The following STARD9 variants were observed in gnomAD, a reference collection of about 807,000 sequenced individuals.
STARD9 encodes the protein StAR related lipid transfer domain containing 9, also known as stAR-related lipid transfer protein 9.
Under a neutral mutation model 399.8 loss-of-function variants are expected in STARD9, and 346 were observed. That is an observed-to-expected ratio of 0.87 (90% confidence interval 0.79 to 0.95). STARD9 has a LOEUF of 0.95. STARD9 is among the 40% of genes least tolerant of loss of function. The probability of loss-of-function intolerance (pLI) is 0.00; values close to 1 mark genes in which losing one functional copy is unlikely to be tolerated. For synonymous variants in STARD9, 2,203 were observed against 2,143.5 expected (o/e 1.03, Z -0.77); for missense variants, 5,832 against 5,667.5 (o/e 1.03, Z -0.93).
intron 3 of STARD9, among the ~76,000 whole-genome samples, chr15:42,598,000 ATGTGTGTGTGTGTGTG>A (rs572054615): frequency 2.3e-4 from 27 of 115,110 alleles, no homozygotes; most frequent in African/African-American, 9.0e-4. Context: ...GTATATATAT[ATGTGTGTGTGTGTGTG>A]TGTGTGTGTG....
intron 26 of STARD9, among the ~76,000 whole-genome samples, chr15:42,697,809 A>C (rs2060876498): frequency 6.6e-6 from 1 of 152,170 alleles, no homozygotes; most frequent in Admixed American, 6.5e-5. Context: ...CAAAATCCGA[A>C]AAAATTCACA....
chr15:42,663,624 A>G (rs777644765), intron 12 of STARD9, 134 bp downstream of exon 12: 1 of 616,294 alleles, frequency 1.6e-6, no homozygotes, highest in Non-Finnish European at 2.9e-6. Flanking sequence ...AGAAAGGGCC[A>G]TGGCCCCAGT....
At chr15:42,661,275 T>C in intron 10 of STARD9, 50 bp downstream of exon 10, 2 of 1,229,086 alleles carry the variant, frequency 1.6e-6, no homozygotes, top group Non-Finnish European at 2.3e-6. Flanking sequence ...CTTGCCTGTT[T>C]TACAGGGAAT....
intron 7 of STARD9, 116 bp from the exon 8 acceptor site, chr15:42,650,900 C>T: frequency 7.9e-6 from 5 of 633,082 alleles, no homozygotes; most frequent in East Asian, 3.2e-5. Context: ...GGCCAGATTC[C>T]CTCATTTTTG....
chr15:42,602,003 C>T (rs943634976), intron 3 of STARD9, among the ~76,000 whole-genome samples: 4 of 152,198 alleles, frequency 2.6e-5, no homozygotes, highest in Admixed American at 6.5e-5. Flanking sequence ...CGTGTCACCA[C>T]GCCCGGCTCG....
In STARD9 at chr15:42,654,351, T is replaced by A. The variant is rs548062776; in HGVS notation, c.702+1759T>A. ...ACATGCTGTCTATAAGAAACACACCTTAGAATCACAGACACAGGTTGAAAG... is the reference window on the plus strand; with the variant it reads ...ACATGCTGTCTATAAGAAACACACCATAGAATCACAGACACAGGTTGAAAG... On this transcript the variant is annotated intron_variant, in intron 9 of 32. Transcript: ENST00000290607. Among the ~76,000 whole-genome samples the A allele has an allele frequency of 4.0e-5, 6 of 149,924 alleles. No individual in the cohort carries two copies. The South Asian group carries it at 1.2e-3, about 31-fold the overall frequency.
intron 3 of STARD9, among the ~76,000 whole-genome samples, chr15:42,600,483 TGTG>T (rs951230005): frequency 6.6e-6 from 1 of 151,880 alleles, no homozygotes; most frequent in African/African-American, 2.4e-5. Flanking sequence ...TGCTTGTGCA[TGTG>T]TGTGTGAGAG....
chr15:42,682,478 G>A lies in STARD9; in HGVS notation c.2440G>A (p.Ala814Thr). Residue 814 changes from alanine (A) to threonine (T), a missense_variant, in exon 22 of 33, where the codon GCC becomes ACC. Coordinates refer to ENST00000290607, the MANE Select transcript of STARD9 (RefSeq NM_020759.3). ...EPPYQVLSPD[A>T]TVPRPPCRSK... ...CCCATACCAGGTCCTCAGCCCTGATGCCACAGTCCCACGGCCTCCATGTAG... is the reference window on the plus strand; with the variant it reads ...CCCATACCAGGTCCTCAGCCCTGATACCACAGTCCCACGGCCTCCATGTAG... The A allele has an allele frequency of 6.5e-7, 1 of 1,537,212 alleles. No individual in the cohort carries two copies. The highest frequency in any genetic ancestry group is 8.7e-7 in the Non-Finnish European group (1 of 1,146,900).
intron 1 of STARD9, among the ~76,000 whole-genome samples, chr15:42,579,232 C>T (rs868683047): frequency 8.5e-5 from 13 of 152,104 alleles, no homozygotes; most frequent in Non-Finnish European, 1.8e-4. Context: ...GCAGAATGGT[C>T]GTTTTACAAA....
rs973942448 is a variant in STARD9, at chr15:42,694,729, G to T, written c.12962+4G>T. 2.0e-6 allele frequency: 3 copies of T among 1,536,824 alleles called. No individual in the cohort carries two copies. The highest frequency in any genetic ancestry group is 2.6e-6 in the Non-Finnish European group (3 of 1,146,620). The stretch of plus-strand genomic sequence containing the variant: ...AGGATGTTGTGGAGACCACCAGGTA[G>T]TGTGGACCGAGAACCCTGCTGGGAG... On this transcript the variant is annotated splice_donor_region_variant and intron_variant, in intron 24 of 32. Transcript: ENST00000290607.
rs1304100393 is a variant in STARD9, at chr15:42,692,717, C to T, written c.11139C>T (p.Asp3713=). Residue 3713 remains aspartate (D), a synonymous_variant, in exon 23 of 33, where the codon GAC becomes GAT. Transcript: ENST00000290607. The part of the protein sequence containing the change: ...VARREQNTKR[D]IPDKAPQALM... ...GAAGGGAGCAGAACACCAAGAGGGA[C>T]ATCCCAGATAAAGCCCCACAGGCCC... is the stretch of plus-strand genomic sequence containing the variant. 5.2e-6 allele frequency: 8 copies of T among 1,536,990 alleles called. No homozygotes were observed. Among genetic ancestry groups the T allele is most frequent in the Non-Finnish European group, 7.0e-6 (8 of 1,146,902 alleles).
intron 26 of STARD9, among the ~76,000 whole-genome samples, chr15:42,704,478 T>G (rs1427296037): frequency 1.3e-5 from 2 of 152,222 alleles, no homozygotes; most frequent in Non-Finnish European, 1.5e-5. Context: ...ATTTTTGCAA[T>G]CTGGCCTTGT....
Position 42,687,303 on chromosome 15 carries a change from C to T in STARD9, c.5725C>T (p.Leu1909Phe), listed in dbSNP as rs1439747636. 1 of 1,536,822 alleles carries T rather than the reference C, an allele frequency of 6.5e-7. No homozygotes were observed. Among genetic ancestry groups the T allele is most frequent in the Admixed American group, 2.0e-5 (1 of 51,000 alleles). ...SDSTESGKSL[L>F]FRESEAREEE... is the part of the protein sequence containing the mutation. The stretch of plus-strand genomic sequence containing the variant: ...CAGCACTGAGTCTGGGAAGTCTCTC[C>T]TCTTTCGTGAATCTGAGGCACGAGA... Residue 1909 changes from leucine (L) to phenylalanine (F), a missense_variant, in exon 23 of 33, where the codon CTC becomes TTC. Leu to Phe is a conservative substitution (Grantham distance 22). This residue lies in a region of STARD9 where 5,828 missense variants were observed against 5,651.1 expected (regional missense o/e 1.03). Transcript: ENST00000290607.
In STARD9 at chr15:42,693,267, G is replaced by GC; in HGVS notation, c.11691dup (p.Ser3898LeufsTer8). The GC allele has an allele frequency of 6.5e-7, 1 of 1,537,010 alleles. No individual in the cohort carries two copies. The highest frequency in any genetic ancestry group is 8.7e-7 in the Non-Finnish European group (1 of 1,146,884). Reference sequence around the variant, plus strand: ...CACAAGTGCTTTGTTCGTGGACAGGGCCTCCTCCCCAATCCTCACTCTTAG... The same window carrying GC: ...CACAAGTGCTTTGTTCGTGGACAGGGCCCTCCTCCCCAATCCTCACTCTTAG... On this transcript the variant is annotated frameshift_variant, in exon 23 of 33. Transcript: ENST00000290607. LOFTEE classifies it high-confidence loss of function.
Position 42,689,970 on chromosome 15 carries a change from G to C in STARD9, c.8392G>C (p.Asp2798His), listed in dbSNP as rs1483987554. 1.3e-6 allele frequency: 2 copies of C among 1,537,484 alleles called. No individual in the cohort carries two copies. The highest frequency in any genetic ancestry group is 2.7e-5 in the African/African-American group (2 of 73,052). ...TLDTTYGEVS[D>H]NLLVTAQGEK... ...AGACACCACATATGGAGAAGTTTCA[G>C]ATAATTTGTTAGTGACTGCACAGGG... is the stretch of plus-strand genomic sequence containing the variant. The change falls in exon 23 of 33, where the codon GAT becomes CAT. Residue 2798 changes from aspartate to histidine, a missense_variant. This residue lies in a region of STARD9 where 5,828 missense variants were observed against 5,651.1 expected (regional missense o/e 1.03). Coordinates refer to ENST00000290607, the MANE Select transcript of STARD9 (RefSeq NM_020759.3).
chr15:42,634,527 G>A (rs906075839), intron 3 of STARD9, among the ~76,000 whole-genome samples: 1 of 152,116 alleles, frequency 6.6e-6, no homozygotes, highest in African/African-American at 2.4e-5. Context: ...GTTTTCTTAC[G>A]AGAGATACAG....
intron 3 of STARD9, among the ~76,000 whole-genome samples, chr15:42,594,998 A>G (rs1016606767): frequency 6.6e-6 from 1 of 152,150 alleles, no homozygotes; most frequent in Non-Finnish European, 1.5e-5. Context: ...ATAACAAGTG[A>G]TCTGTTATCT....
At chr15:42,652,214 G>A (rs2059775198) in intron 8 of STARD9, among the ~76,000 whole-genome samples, 1 of 152,008 alleles carries the variant, frequency 6.6e-6, no homozygotes, top group African/African-American at 2.4e-5. Context: ...GTTCTTCCAG[G>A]ATGATGACGC....
At chr15:42,611,253 A>G (rs1204516694) in intron 3 of STARD9, among the ~76,000 whole-genome samples, 1 of 152,232 alleles carries the variant, frequency 6.6e-6, no homozygotes, top group Non-Finnish European at 1.5e-5. Flanking sequence ...TATACTACAA[A>G]GATGGAGTTG....
Sources: gnomAD v4.1 joint callset for allele counts (sites outside exome capture counted in the v4.1 genomes callset) on GRCh38, gnomAD v4.1.1 for gene constraint, gnomAD v4.1.1 regional missense constraint, MANE v1.5 for transcripts, NCBI Gene and HGNC (gene_info 2026-07-23, HGNC 2026-07-21) for gene names.